The following IRAK1BP1 variants were observed in gnomAD, a reference collection of about 807,000 sequenced individuals.
The protein encoded by IRAK1BP1 is interleukin-1 receptor-associated kinase 1-binding protein 1.
In IRAK1BP1, 24 loss-of-function variants were observed where a neutral mutation model predicts 28.0. The observed-to-expected ratio is 0.86, with a 90% CI of 0.62 to 1.20. The LOEUF is 1.20. Among genes scored for constraint, IRAK1BP1 ranks in the 50% most tolerant of loss-of-function variants. The pLI is 0.00. For synonymous variants in IRAK1BP1, 131 were observed against 116.3 expected, an observed-to-expected ratio of 1.13 and a Z score of -0.81; for missense variants, 336 against 316.7, an observed-to-expected ratio of 1.06 and a Z score of -0.46.
At chr6:78,878,694 A>G (rs1209350273) in intron 1 of IRAK1BP1, among the ~76,000 whole-genome samples, 1 of 152,206 alleles carries the variant, frequency 6.6e-6, no homozygotes, top group Non-Finnish European at 1.5e-5. Flanking sequence ...GGTAATAACA[A>G]ACTTCTCCGA....
intron 1 of IRAK1BP1, among the ~76,000 whole-genome samples, chr6:78,881,212 C>G (rs541305275): frequency 6.6e-6 from 1 of 152,184 alleles, no homozygotes; most frequent in South Asian, 2.1e-4. Context: ...AGAATTGATT[C>G]ACAAAACAAT....
At chr6:78,940,313 G>A (rs1402447018) in intron 4 of IRAK1BP1, 1 of 151,694 alleles carries the variant, frequency 6.6e-6, no homozygotes, top group Non-Finnish European at 1.5e-5. Flanking sequence ...AACATGAAAT[G>A]CTCTATCACT....
intron 2 of IRAK1BP1, 22 bp from the exon 3 acceptor site, chr6:78,897,807 T>C (rs1771946510): frequency 6.2e-7 from 1 of 1,603,434 alleles, no homozygotes; most frequent in South Asian, 1.1e-5. Flanking sequence ...ATGAAAATAA[T>C]ATCGTGTCAT....
chr6:78,978,624 T>C, the IRAK1BP1 span: 1 of 1,592,930 alleles, frequency 6.3e-7, no homozygotes, highest in Non-Finnish European at 8.6e-7. Flanking sequence ...AATGGACATC[T>C]TCGGGGAATG....
At chr6:78,904,661 A>G (rs1772215367), downstream of IRAK1BP1, among the ~76,000 whole-genome samples, 1 of 152,184 alleles carries the variant, frequency 6.6e-6, no homozygotes, top group Non-Finnish European at 1.5e-5. Flanking sequence ...ATTTCATTTA[A>G]AAAGAATTAG....
chr6:78,971,023 C>T, the IRAK1BP1 span: 7 of 618,114 alleles, frequency 1.1e-5, no homozygotes, highest in Admixed American at 3.5e-5. Flanking sequence ...TCTCCCTCCT[C>T]CTTTCTCTCA....
At position 78,897,883 on chromosome 6, in the gene IRAK1BP1, G is replaced by A. The variant is rs748861453; in HGVS notation, c.436G>A (p.Val146Ile). The A allele has an allele frequency of 3.7e-6, 6 of 1,613,672 alleles. No homozygotes were observed. Among genetic ancestry groups the A allele is most frequent in the Non-Finnish European group, 5.1e-6 (6 of 1,179,692 alleles). The change falls in exon 3 of 4, where the codon GTT becomes ATT. Residue 146 changes from valine to isoleucine, a missense_variant. Val to Ile is a conservative substitution (Grantham distance 29). Transcript: ENST00000369940. Reference protein sequence around the residue: ...GKMQNICNFLVEKLDSSVVIS... With the variant: ...GKMQNICNFLIEKLDSSVVIS... ...AATGCAAAATATTTGTAACTTTCTTGTTGAAAAGCTAGATAGCTCTGTTGT... is the reference window on the plus strand; with the variant it reads ...AATGCAAAATATTTGTAACTTTCTTATTGAAAAGCTAGATAGCTCTGTTGT...
intron 4 of IRAK1BP1, chr6:78,938,699 A>T (rs1773360845): frequency 6.6e-6 from 1 of 151,694 alleles, no homozygotes; most frequent in Admixed American, 6.6e-5. Context: ...TGTTAGAAAA[A>T]AATAAATATA....
intron 1 of IRAK1BP1, among the ~76,000 whole-genome samples, chr6:78,875,843 A>G (rs996785046): frequency 6.6e-6 from 1 of 152,198 alleles, no homozygotes; most frequent in East Asian, 1.9e-4. Context: ...AAACATGCAC[A>G]TGTACCTTCT....
chr6:78,966,764 T>C, the IRAK1BP1 span, among the ~76,000 whole-genome samples: 5 of 152,340 alleles, frequency 3.3e-5, no homozygotes, highest in East Asian at 7.7e-4. Context: ...TTCTGTGTCA[T>C]AAGAAAACTG....
chr6:78,906,961 T>G (rs1244041366), downstream of IRAK1BP1, among the ~76,000 whole-genome samples: 1 of 152,142 alleles, frequency 6.6e-6, no homozygotes, highest in African/African-American at 2.4e-5. Context: ...ATGAAAGAAA[T>G]AAAGTAAGAC....
chr6:78,892,753 A>G (rs933194340), intron 2 of IRAK1BP1, among the ~76,000 whole-genome samples: 3 of 152,196 alleles, frequency 2.0e-5, no homozygotes, highest in Non-Finnish European at 4.4e-5. Flanking sequence ...TGAATTTCCA[A>G]AGATGAAAAC....
intron 1 of IRAK1BP1, among the ~76,000 whole-genome samples, chr6:78,880,781 C>T (rs1290979689): frequency 2.0e-5 from 3 of 152,154 alleles, no homozygotes; most frequent in Admixed American, 2.0e-4. Context: ...AAAAGATACT[C>T]AACATTACTT....
intron 4 of IRAK1BP1, among the ~76,000 whole-genome samples, chr6:78,925,144 G>A (rs1772851216): frequency 6.7e-6 from 1 of 150,152 alleles, no homozygotes; most frequent in African/African-American, 2.4e-5. Flanking sequence ...ACAGGAAGGG[G>A]AACATCACAC....
chr6:78,950,475 G>A (rs780604384), downstream of IRAK1BP1, among the ~76,000 whole-genome samples: 2 of 152,116 alleles, frequency 1.3e-5, no homozygotes, highest in Non-Finnish European at 2.9e-5. Flanking sequence ...TCCAGGACTA[G>A]ACATTTGTTT....
chr6:78,946,975 GAATTT>G (rs1027476502), downstream of IRAK1BP1: 15 of 636,196 alleles, frequency 2.4e-5, no homozygotes, highest in African/African-American at 2.6e-4. Context: ...AAAATATTTA[GAATTT>G]AATTATTGTT....
At chr6:78,966,345 G>A in the IRAK1BP1 span, among the ~76,000 whole-genome samples, 51,150 of 152,010 alleles carry the variant, frequency 0.34, 8,769 homozygotes, top group Non-Finnish European at 0.35. Context: ...TCTAGCATTT[G>A]AAATTCATCA....
At chr6:78,954,975 GTGTTCAAATA>G in the IRAK1BP1 span, 2 of 1,525,910 alleles carry the variant, frequency 1.3e-6, no homozygotes, top group African/African-American at 2.8e-5. Flanking sequence ...TGTGATAAAA[GTGTTCAAATA>G]TATTAATAAA....
At chr6:78,887,645 G>C (rs1225677797) in intron 2 of IRAK1BP1, among the ~76,000 whole-genome samples, 1 of 152,036 alleles carries the variant, frequency 6.6e-6, no homozygotes, top group Non-Finnish European at 1.5e-5. Context: ...CAGCCTGGGC[G>C]ACAGAGCAAG....
Sources: allele counts gnomAD v4.1 joint callset (sites outside exome capture counted in the v4.1 genomes callset), GRCh38; gene constraint gnomAD v4.1.1; transcripts MANE v1.5; gene names NCBI Gene and HGNC (gene_info 2026-07-23, HGNC 2026-07-21).